LRP1B: variants seen among roughly 807,000 people sequenced by gnomAD.
LRP1B encodes LDL receptor related protein 1B.
A neutral mutation model predicts 556.6 loss-of-function variants in LRP1B; 217 were observed. The observed-to-expected ratio is 0.39, with a 90% CI of 0.35 to 0.44. The LOEUF (loss-of-function observed/expected upper bound fraction) is 0.44. Among genes scored for constraint, LRP1B ranks in the 20% least tolerant of loss-of-function variants. LRP1B has a pLI of 1.00. For synonymous variants in LRP1B, 2,047 were observed against 1,865.8 expected, an observed-to-expected ratio of 1.10 and a Z score of -2.50; for missense variants, 5,053 against 5,620.8, an observed-to-expected ratio of 0.90 and a Z score of 3.23.
intron 2 of LRP1B, among the ~76,000 whole-genome samples, chr2:141,659,889 A>G (rs901170216): frequency 3.9e-5 from 6 of 152,180 alleles, no homozygotes; most frequent in Non-Finnish European, 8.8e-5. Context: ...AGAGTGATAA[A>G]TGAGAAAATA....
intron 2 of LRP1B, among the ~76,000 whole-genome samples, chr2:141,614,325 G>C (rs923122582): frequency 6.6e-6 from 1 of 152,118 alleles, no homozygotes; most frequent in South Asian, 2.1e-4. Flanking sequence ...TCAGTCTAAT[G>C]TGGAGGGGAA....
intron 66 of LRP1B, among the ~76,000 whole-genome samples, chr2:140,407,088 G>T (rs1481278108): frequency 1.3e-5 from 2 of 151,932 alleles, no homozygotes; most frequent in African/African-American, 4.8e-5. Context: ...ACATAAACTG[G>T]GAAAAGTACA....
chr2:141,162,750 G>T (rs1266285366), intron 7 of LRP1B, among the ~76,000 whole-genome samples: 1 of 152,042 alleles, frequency 6.6e-6, no homozygotes, highest in Non-Finnish European at 1.5e-5. Context: ...TAGATGTTTT[G>T]TAAACAGTGC....
chr2:141,432,215 C>T (rs1201688198), intron 3 of LRP1B, among the ~76,000 whole-genome samples: 3 of 152,002 alleles, frequency 2.0e-5, no homozygotes, highest in Non-Finnish European at 4.4e-5. Context: ...TTGAAATTAT[C>T]ATATTTTACC....
intron 41 of LRP1B, among the ~76,000 whole-genome samples, chr2:140,643,148 A>G (rs1430189854): frequency 1.3e-5 from 2 of 152,122 alleles, no homozygotes; most frequent in Non-Finnish European, 1.5e-5. Context: ...AAAATAAATG[A>G]AATTGTTCCC....
In LRP1B at chr2:140,733,492, TAAAC is replaced by T. The variant is rs1267464624; in HGVS notation, c.5759-16680_5759-16677del. ...AAACATCTATCATTGCAGAAACAGT[TAAAC>T]AAACTGGTGTACTCACAAAATGGAT... On this transcript the variant is annotated intron_variant, in intron 35 of 90. Transcript: ENST00000389484. Among the ~76,000 whole-genome samples, 5 of 152,182 alleles carry T rather than the reference TAAAC, an allele frequency of 3.3e-5. No individual in the cohort carries two copies. The East Asian group carries it at 7.7e-4, about 24-fold the overall frequency.
chr2:140,737,926 C>A lies in LRP1B; in HGVS notation c.5759-21110G>T, dbSNP rs548007684. ...GAGCAGATTAATAAAGCCTCAGGTA[C>A]ATAGTATGCAGCCATTAGTCTGATC... On this transcript the variant is annotated intron_variant, in intron 35 of 90. Transcript: ENST00000389484. Among the ~76,000 whole-genome samples, 105 of 152,292 alleles carry A rather than the reference C, an allele frequency of 6.9e-4. 1 individual carries two copies. Among genetic ancestry groups the A allele is most frequent in the African/African-American group, 2.5e-3 (102 of 41,548 alleles).
intron 6 of LRP1B, among the ~76,000 whole-genome samples, chr2:141,218,331 A>T (rs1682898478): frequency 6.6e-6 from 1 of 152,244 alleles, no homozygotes. Flanking sequence ...AGACACATGC[A>T]TGTGTACATA....
Position 141,538,642 on chromosome 2 carries a change from T to C in LRP1B, c.206-58109A>G, listed in dbSNP as rs930010897. ...AAGACACCCTGAAAAAAACTTCTTT[T>C]TTTTTTTTTTTTGAGACACAGTCTC... is the stretch of plus-strand genomic sequence containing the variant. On this transcript the variant is annotated intron_variant, in intron 2 of 90. Coordinates refer to ENST00000389484, the MANE Select transcript of LRP1B (RefSeq NM_018557.3). 2.6e-4 allele frequency among the ~76,000 whole-genome samples: 36 copies of C among 138,360 alleles called. No individual in the cohort carries two copies. In the South Asian group the frequency reaches 7.4e-3, roughly 28 times the overall value. 90.8% of individuals were successfully genotyped at this position (138,360 alleles called of 152,430 possible).
chr2:142,072,028 C>G (rs1410844921), intron 1 of LRP1B, among the ~76,000 whole-genome samples: 1 of 152,002 alleles, frequency 6.6e-6, no homozygotes, highest in Admixed American at 6.6e-5. Context: ...CTCTCCCTCT[C>G]TCATTCCCCA....
intron 63 of LRP1B, among the ~76,000 whole-genome samples, chr2:140,446,476 GATGTT>G (rs1344897937): frequency 1.3e-5 from 2 of 152,102 alleles, no homozygotes; most frequent in African/African-American, 4.8e-5. Flanking sequence ...CTTCTCAGGT[GATGTT>G]ATAAGTATTG....
At chr2:140,491,722 A>C (rs150590806) in intron 57 of LRP1B, among the ~76,000 whole-genome samples, 35 of 152,168 alleles carry the variant, frequency 2.3e-4, no homozygotes, top group Admixed American at 1.3e-4. Flanking sequence ...ATAGTTGTTC[A>C]TTCTTATATT....
intron 32 of LRP1B, among the ~76,000 whole-genome samples, chr2:140,784,261 G>A (rs1689808035): frequency 6.6e-6 from 1 of 151,796 alleles, no homozygotes; most frequent in Non-Finnish European, 1.5e-5. Flanking sequence ...CTGACTTTTG[G>A]GGAGGCTGAC....
chr2:140,310,428 A>AG (rs1553444538), intron 83 of LRP1B, among the ~76,000 whole-genome samples: 6 of 150,794 alleles, frequency 4.0e-5, no homozygotes, highest in East Asian at 2.0e-4. Flanking sequence ...AAAAAAAAAA[A>AG]GGCCTGAATA....
chr2:140,465,600 C>T (rs753745287), intron 60 of LRP1B, among the ~76,000 whole-genome samples: 18 of 151,954 alleles, frequency 1.2e-4, no homozygotes, highest in East Asian at 1.9e-4. Context: ...TTATTCTTTT[C>T]GCACACTCCA....
intron 7 of LRP1B, among the ~76,000 whole-genome samples, chr2:141,113,558 T>A (rs566518732): frequency 6.6e-6 from 1 of 152,230 alleles, no homozygotes; most frequent in East Asian, 1.9e-4. Flanking sequence ...CTGTATGAGG[T>A]TTGCAATTCA....
intron 2 of LRP1B, among the ~76,000 whole-genome samples, chr2:141,551,270 CT>C (rs966838582): frequency 1.1e-3 from 171 of 151,106 alleles, no homozygotes; most frequent in African/African-American, 3.9e-3. Flanking sequence ...ATTAATAGAA[CT>C]TTTTAGTTTG....
chr2:140,897,810 ACTGAAGG>A (rs1196867732), intron 23 of LRP1B, among the ~76,000 whole-genome samples: 3 of 152,138 alleles, frequency 2.0e-5, no homozygotes, highest in Non-Finnish European at 4.4e-5. Context: ...TCAGTCACAG[ACTGAAGG>A]CTGCGCTATC....
At chr2:141,243,368 A>G (rs2105320279) in intron 5 of LRP1B, among the ~76,000 whole-genome samples, 1 of 152,184 alleles carries the variant, frequency 6.6e-6, no homozygotes, top group Non-Finnish European at 1.5e-5. Flanking sequence ...CTGTGGTCTC[A>G]GATACTCAAA....
Sources: gnomAD v4.1 joint callset for allele counts (sites outside exome capture counted in the v4.1 genomes callset) on GRCh38, gnomAD v4.1.1 for gene constraint, MANE v1.5 for transcripts, NCBI Gene and HGNC (gene_info 2026-07-23, HGNC 2026-07-21) for gene names.